The following SLC66A2 variants were observed in gnomAD, a reference collection of about 807,000 sequenced individuals.
The protein encoded by SLC66A2 is solute carrier family 66 member 2.
A neutral mutation model predicts 25.5 loss-of-function variants in SLC66A2; 23 were observed. The observed-to-expected ratio is 0.90, with a 90% CI of 0.65 to 1.28. The LOEUF is 1.28. Ranked by LOEUF, SLC66A2 falls within the 50% of genes most tolerant of loss-of-function variation. The pLI is 0.00. For missense variants in SLC66A2, 396 were observed against 373.1 expected (o/e 1.06, Z -0.51); for synonymous variants, 193 against 166.5 (o/e 1.16, Z -1.23).
chr18:79,942,315 G>A (rs1425087440), intron 3 of SLC66A2, among the ~76,000 whole-genome samples: 1 of 152,204 alleles, frequency 6.6e-6, no homozygotes, highest in African/African-American at 2.4e-5. Flanking sequence ...CATCTCTGTG[G>A]CCCCAACGAC....
intron 5 of SLC66A2, among the ~76,000 whole-genome samples, chr18:79,908,116 TAAG>T (rs1441152717): frequency 3.3e-5 from 5 of 152,146 alleles, no homozygotes; most frequent in East Asian, 1.9e-4. Context: ...TTAAATAACT[TAAG>T]AAGAAAAATA....
chr18:79,933,167 C>T (rs1453008500), intron 4 of SLC66A2, among the ~76,000 whole-genome samples: 1 of 152,182 alleles, frequency 6.6e-6, no homozygotes, highest in African/African-American at 2.4e-5. Flanking sequence ...CAATGTAGTA[C>T]ATCATCATAG....
At chr18:79,935,917 G>C (rs1987039023) in intron 3 of SLC66A2, among the ~76,000 whole-genome samples, 1 of 152,238 alleles carries the variant, frequency 6.6e-6, no homozygotes, top group East Asian at 1.9e-4. Flanking sequence ...GCCAAGCTCT[G>C]CCCAAAATGC....
At chr18:79,938,722 G>A (rs1357369127) in intron 3 of SLC66A2, among the ~76,000 whole-genome samples, 1 of 152,212 alleles carries the variant, frequency 6.6e-6, no homozygotes, top group Non-Finnish European at 1.5e-5. Context: ...TGTGGCCCAG[G>A]CTGGAATGCA....
At chr18:79,931,458 G>A (rs536763867) in intron 4 of SLC66A2, among the ~76,000 whole-genome samples, 4 of 152,062 alleles carry the variant, frequency 2.6e-5, no homozygotes, top group Admixed American at 6.6e-5. Flanking sequence ...ATGCATATAC[G>A]TCCCTAACAA....
chr18:79,915,985 T>TCCCATACCCACAGCGCTCCC (rs1568301274), intron 5 of SLC66A2: 21 of 69,370 alleles, frequency 3.0e-4, no homozygotes, highest in Middle Eastern at 6.7e-3. Context: ...ACAGTGCTTC[T>TCCCATACCCACAGCGCTCCC]GTACCCGCGG....
At chr18:79,936,172 T>C (rs746019102) in intron 3 of SLC66A2, among the ~76,000 whole-genome samples, 1 of 152,184 alleles carries the variant, frequency 6.6e-6, no homozygotes, top group African/African-American at 2.4e-5. Context: ...CGGTACGGCG[T>C]GTATGGGGAG....
rs955312942 is a variant in SLC66A2, at chr18:79,917,777, T to A, written c.608+1407A>T. Among the ~76,000 whole-genome samples the A allele has an allele frequency of 2.0e-5, 3 of 151,310 alleles. No individual in the cohort carries two copies. Among genetic ancestry groups the A allele is most frequent in the Non-Finnish European group, 4.4e-5 (3 of 67,794 alleles). ...GCCCGAGAAACCCCAGCAACCCCCCTGGTCTTGATTCACTGTAATCACACC... is the reference window on the plus strand; with the variant it reads ...GCCCGAGAAACCCCAGCAACCCCCCAGGTCTTGATTCACTGTAATCACACC... On this transcript the variant is annotated intron_variant, in intron 5 of 5. Transcript: ENST00000397778. This position sits in a 1 kb window ranked among gnomAD's most constrained non-coding sequence, Gnocchi z 6.0.
Position 79,921,810 on chromosome 18 carries a change from C to T in SLC66A2, c.392-2410G>A, listed in dbSNP as rs1283397602. ...AGGTCAGTGGAGGAGAGACAGGAACCGAGGGAGAGGTCAGGGTCAGAGGAG... is the reference window on the plus strand; with the variant it reads ...AGGTCAGTGGAGGAGAGACAGGAACTGAGGGAGAGGTCAGGGTCAGAGGAG... On this transcript the variant is annotated intron_variant, in intron 4 of 5. Transcript: ENST00000397778. 7.1e-5 allele frequency among the ~76,000 whole-genome samples: 5 copies of T among 69,962 alleles called. 2 individuals carry two copies. The highest frequency in any genetic ancestry group is 2.2e-4 in the African/African-American group (5 of 22,654). 45.9% of individuals were successfully genotyped at this position (69,962 alleles called of 152,430 possible). A position where few individuals can be genotyped will look rare whatever the true frequency, so the allele number is the denominator to read the frequency against.
chr18:79,940,669 C>G lies in SLC66A2; in HGVS notation c.337+2660G>C, dbSNP rs1019839740. On this transcript the variant is annotated intron_variant, in intron 3 of 5. Coordinates refer to ENST00000397778, the MANE Select transcript of SLC66A2 (RefSeq NM_025078.5). The surrounding 1 kb of genome is among the most constrained non-coding windows in gnomAD (Gnocchi z 4.1). ...ACTCCAGTGATGTTCCTGCCTTGCCCTCCCCTCTCCTGGCAGATGAGAGGA... is the reference window on the plus strand; with the variant it reads ...ACTCCAGTGATGTTCCTGCCTTGCCGTCCCCTCTCCTGGCAGATGAGAGGA... 7.2e-5 allele frequency among the ~76,000 whole-genome samples: 11 copies of G among 152,048 alleles called. No individual in the cohort carries two copies. Among genetic ancestry groups the G allele is most frequent in the African/African-American group, 2.7e-4 (11 of 41,384 alleles).
chr18:79,903,918 A>C lies in SLC66A2; in HGVS notation c.*58T>G, dbSNP rs1183080483. 6.1e-6 allele frequency: 9 copies of C among 1,469,992 alleles called. No homozygotes were observed. The highest frequency in any genetic ancestry group is 7.3e-6 in the Non-Finnish European group (8 of 1,095,234). The allele number at this position is 1,469,992 out of a possible 1,614,324, so 91.1% of individuals were successfully genotyped here. A position where few individuals can be genotyped will look rare whatever the true frequency, so the allele number is the denominator to read the frequency against. ...CACAGCACCCACCCTCCCCGCGGGG[A>C]GGTCAGGGCCCACCAGTGCCCGCGG... On this transcript the variant is annotated 3_prime_UTR_variant, in exon 6 of 6. Coordinates refer to ENST00000397778, the MANE Select transcript of SLC66A2 (RefSeq NM_025078.5).
At chr18:79,923,919 C>T (rs1250635253) in intron 4 of SLC66A2, among the ~76,000 whole-genome samples, 1 of 151,908 alleles carries the variant, frequency 6.6e-6, no homozygotes, top group Non-Finnish European at 1.5e-5. Flanking sequence ...CACCTGTGAT[C>T]CCAGCTACTT....
At chr18:79,934,381 C>T (rs182550503) in intron 3 of SLC66A2, among the ~76,000 whole-genome samples, 28 of 152,336 alleles carry the variant, frequency 1.8e-4, no homozygotes, top group Middle Eastern at 3.4e-3. Flanking sequence ...CCAGGCAGAT[C>T]CTGCTTCCCT....
intron 4 of SLC66A2, among the ~76,000 whole-genome samples, chr18:79,922,282 G>GAA (rs147083635): frequency 2.9e-5 from 3 of 102,796 alleles, no homozygotes; most frequent in Admixed American, 1.8e-4. Context: ...TCTTTGAAAA[G>GAA]AAAAAAAAAA....
chr18:79,916,162 C>T (rs12966083), intron 5 of SLC66A2, among the ~76,000 whole-genome samples: 1 of 58,504 alleles, frequency 1.7e-5, no homozygotes, highest in Non-Finnish European at 4.1e-5. Context: ...CGCTCTCGTA[C>T]CCGCAGTGCT....
chr18:79,943,476 A>C lies in SLC66A2; in HGVS notation c.204-14T>G, dbSNP rs2277723. On this transcript the variant is annotated splice_polypyrimidine_tract_variant and intron_variant, in intron 2 of 5. Coordinates refer to ENST00000397778, the MANE Select transcript of SLC66A2 (RefSeq NM_025078.5). Reference sequence around the variant, plus strand: ...CGCCTTCCAAACCTGCGGGAGAGACACTGTGTCAGGAGGGAGGTCCACCCA... The same window carrying C: ...CGCCTTCCAAACCTGCGGGAGAGACCCTGTGTCAGGAGGGAGGTCCACCCA... The C allele has an allele frequency of 6.2e-7, 1 of 1,611,516 alleles. No individual in the cohort carries two copies. The highest frequency in any genetic ancestry group is 2.2e-5 in the East Asian group (1 of 44,778).
chr18:79,926,355 A>G (rs1014724358), intron 4 of SLC66A2, among the ~76,000 whole-genome samples: 30 of 152,122 alleles, frequency 2.0e-4, no homozygotes, highest in Non-Finnish European at 3.5e-4. Flanking sequence ...CTTTCCAGTA[A>G]TAAACATGAG....
chr18:79,919,446 G>A (rs1460551142), intron 4 of SLC66A2, 46 bp from the exon 5 acceptor site: 4 of 1,512,372 alleles, frequency 2.6e-6, no homozygotes, highest in South Asian at 1.1e-5. Flanking sequence ...TAGGGTCCAG[G>A]TGAGGAGTCA....
At chr18:79,910,320 C>A (rs1404827386) in intron 5 of SLC66A2, among the ~76,000 whole-genome samples, 4 of 108,736 alleles carry the variant, frequency 3.7e-5, no homozygotes, top group Admixed American at 1.7e-4. Context: ...CCTTCCCCAC[C>A]ACCTCACCAG....
Sources: allele counts gnomAD v4.1 joint callset (sites outside exome capture counted in the v4.1 genomes callset), GRCh38; gene constraint gnomAD v4.1.1; non-coding constraint Gnocchi (gnomAD v3.1); transcripts MANE v1.5; gene names NCBI Gene and HGNC (gene_info 2026-07-23, HGNC 2026-07-21).